HSPA4L: variants seen among roughly 807,000 people sequenced by gnomAD.
The protein encoded by HSPA4L is heat shock protein family A (Hsp70) member 4 like, also known as heat shock 70 kDa protein 4L.
Under a neutral mutation model 100.3 loss-of-function variants are expected in HSPA4L, and 48 were observed. That is an observed-to-expected ratio of 0.48 (90% CI 0.38 to 0.61). HSPA4L has a LOEUF of 0.61. Among genes scored for constraint, HSPA4L ranks in the 20% least tolerant of loss-of-function variants. HSPA4L has a pLI of 0.00. For synonymous variants in HSPA4L, 319 were observed against 328.2 expected, an observed-to-expected ratio of 0.97 and a Z score of 0.30; for missense variants, 886 against 988.6, an observed-to-expected ratio of 0.90 and a Z score of 1.39.
upstream of HSPA4L, chr4:127,782,310 C>T: frequency 2.0e-6 from 1 of 499,168 alleles, no homozygotes; most frequent in Admixed American, 3.6e-5. Flanking sequence ...CGGTTGGAGG[C>T]GGCCGAACCG....
In HSPA4L at chr4:127,836,192, C is replaced by A. The variant is rs1398740631; in HGVS notation, c.*3318C>A. The A allele has an allele frequency of 1.3e-5, 2 of 152,466 alleles. No homozygotes were observed. Among genetic ancestry groups the A allele is most frequent in the Non-Finnish European group, 2.9e-5 (2 of 68,358 alleles). 9.4% of individuals were successfully genotyped at this position (152,466 alleles called of 1,614,324 possible). A position where few individuals can be genotyped will look rare whatever the true frequency, so the allele number is the denominator to read the frequency against. ...ACCATCCTGGCTAACACGGTGAAAC[C>A]CCGTCTCTACTAAAAATACAAAAAA... On this transcript the variant is annotated 3_prime_UTR_variant, in exon 19 of 19. Transcript: ENST00000296464.
rs1416570610 is a variant in HSPA4L at position 127,805,107 on chromosome 4, T to G, written c.1020T>G (p.Ile340Met). Residue 340 changes from isoleucine to methionine, a missense_variant, in exon 9 of 19, where the codon ATT becomes ATG. Transcript: ENST00000296464. ...LQREDISSIE[I>M]VGGATRIPAV... The stretch of plus-strand genomic sequence containing the variant: ...GTGAAGACATTAGTAGTATAGAAAT[T>G]GTAGGAGGAGCAACACGAATTCCTG... The G allele has an allele frequency of 6.2e-7, 1 of 1,611,608 alleles. No individual in the cohort carries two copies. Among genetic ancestry groups the G allele is most frequent in the African/African-American group, 1.3e-5 (1 of 74,816 alleles).
intron 4 of HSPA4L, 36 bp from the exon 5 acceptor site, chr4:127,801,102 A>C (rs1291320653): frequency 6.9e-7 from 1 of 1,459,166 alleles, no homozygotes; most frequent in Middle Eastern, 1.8e-4. Context: ...ATGTTTACAT[A>C]AAACATTATA....
chr4:127,820,622 GA>G, intron 14 of HSPA4L, 57 bp downstream of exon 14: 1 of 1,532,896 alleles, frequency 6.5e-7, no homozygotes, highest in East Asian at 2.3e-5. Context: ...AAATTTTGTA[GA>G]AGTCAATGAT....
chr4:127,796,798 TGCTAAGG>T (rs1733034027), intron 3 of HSPA4L, among the ~76,000 whole-genome samples: 1 of 152,118 alleles, frequency 6.6e-6, no homozygotes, highest in South Asian at 2.1e-4. Context: ...GATTAGTGGT[TGCTAAGG>T]GTTAAGGGGA....
At chr4:127,783,481 G>C in intron 1 of HSPA4L, 1 of 1,451,372 alleles carries the variant, frequency 6.9e-7, no homozygotes, top group Non-Finnish European at 9.0e-7. Context: ...TTAATGAAAG[G>C]CTTAGGAGGA....
chr4:127,796,189 A>G (rs1344607565), intron 3 of HSPA4L, among the ~76,000 whole-genome samples: 9 of 152,150 alleles, frequency 5.9e-5, no homozygotes, highest in Non-Finnish European at 1.5e-5. Flanking sequence ...ATTCAGAAGA[A>G]TAGACCCAAA....
At chr4:127,822,290 T>C (rs1733834285) in intron 14 of HSPA4L, among the ~76,000 whole-genome samples, 1 of 152,210 alleles carries the variant, frequency 6.6e-6, no homozygotes, top group Non-Finnish European at 1.5e-5. Context: ...GTCTGGCTTA[T>C]TTTACTTGGC....
intron 16 of HSPA4L, among the ~76,000 whole-genome samples, chr4:127,825,794 C>T (rs966362583): frequency 6.6e-6 from 1 of 151,852 alleles, no homozygotes; most frequent in Non-Finnish European, 1.5e-5. Context: ...GGCATGGTGG[C>T]ACGCACCTGT....
intron 17 of HSPA4L, among the ~76,000 whole-genome samples, chr4:127,829,728 T>C (rs1295517807): frequency 1.3e-5 from 2 of 151,690 alleles, no homozygotes; most frequent in East Asian, 1.9e-4. Flanking sequence ...AAACTCAAAG[T>C]TGGATATAGA....
In HSPA4L at chr4:127,836,942, A is replaced by AT. The variant is rs564468017; in HGVS notation, c.*4079dup. The AT allele has an allele frequency of 5.5e-4, 82 of 148,360 alleles. No homozygotes were observed. Among genetic ancestry groups the AT allele is most frequent in the Admixed American group, 1.0e-3 (15 of 14,832 alleles). 9.2% of individuals were successfully genotyped at this position (148,360 alleles called of 1,614,324 possible). ...TTCTCAGTTTTTAAAAGTTTACAAA[A>AT]TTTTTTTTTTTGTTTTGAGACAGAG... On this transcript the variant is annotated 3_prime_UTR_variant, in exon 19 of 19. Coordinates refer to ENST00000296464, the MANE Select transcript of HSPA4L (RefSeq NM_014278.4).
intron 18 of HSPA4L, among the ~76,000 whole-genome samples, chr4:127,831,404 G>A (rs1363706555): frequency 6.6e-6 from 1 of 151,574 alleles, no homozygotes; most frequent in African/African-American, 2.4e-5. Flanking sequence ...AGGAGGCTGA[G>A]GCAGGAGGCT....
At chr4:127,822,486 T>C (rs987329126) in intron 14 of HSPA4L, among the ~76,000 whole-genome samples, 1 of 152,212 alleles carries the variant, frequency 6.6e-6, no homozygotes, top group African/African-American at 2.4e-5. Flanking sequence ...TACAAATATC[T>C]GTTCAAGTCT....
intron 1 of HSPA4L, among the ~76,000 whole-genome samples, chr4:127,791,981 A>G (rs1442195512): frequency 1.3e-5 from 2 of 152,232 alleles, no homozygotes; most frequent in Non-Finnish European, 2.9e-5. Context: ...TATAGTAATT[A>G]TTAACAAACA....
At position 127,805,757 on chromosome 4, in the gene HSPA4L, C is replaced by A. The variant is rs1733338107; in HGVS notation, c.1208C>A (p.Thr403Lys). The change falls in exon 10 of 19, where the codon ACA (threonine) becomes AAA (lysine). Residue 403 changes from threonine to lysine, a missense_variant. Physicochemically the swap from Thr to Lys is moderately conservative, Grantham distance 78. Coordinates refer to ENST00000296464, the MANE Select transcript of HSPA4L (RefSeq NM_014278.4). ...ACAGACCTTGTTCCCTATTCAATCA[C>A]ATTAAGGTGGAAGACCTCTTTTGAA... is the stretch of plus-strand genomic sequence containing the variant. ...SITDLVPYSI[T>K]LRWKTSFEDG... The A allele has an allele frequency of 6.2e-7, 1 of 1,611,562 alleles. No individual in the cohort carries two copies. The highest frequency in any genetic ancestry group is 1.3e-5 in the African/African-American group (1 of 74,852).
chr4:127,790,060 C>T (rs1732829648), intron 1 of HSPA4L, among the ~76,000 whole-genome samples: 1 of 152,174 alleles, frequency 6.6e-6, no homozygotes, highest in African/African-American at 2.4e-5. Flanking sequence ...TAAAAGTTGT[C>T]TGCTTTCAAC....
chr4:127,826,575 A>G (rs1016220122), intron 16 of HSPA4L, among the ~76,000 whole-genome samples: 1 of 152,196 alleles, frequency 6.6e-6, no homozygotes, highest in African/African-American at 2.4e-5. Flanking sequence ...AGTTTTGACA[A>G]ATGTACCCTA....
intron 1 of HSPA4L, among the ~76,000 whole-genome samples, chr4:127,793,453 T>A (rs1732931867): frequency 1.3e-5 from 2 of 152,194 alleles, no homozygotes; most frequent in South Asian, 4.1e-4. Flanking sequence ...ACAGAAACAT[T>A]TTCTTGAATC....
chr4:127,790,326 T>C (rs903957996), intron 1 of HSPA4L, among the ~76,000 whole-genome samples: 2 of 152,194 alleles, frequency 1.3e-5, no homozygotes, highest in Admixed American at 6.5e-5. Context: ...GGGAGCAAGA[T>C]GAGTTATAAG....
Sources: allele counts gnomAD v4.1 joint callset (sites outside exome capture counted in the v4.1 genomes callset), GRCh38; gene constraint gnomAD v4.1.1; transcripts MANE v1.5; gene names NCBI Gene and HGNC (gene_info 2026-07-23, HGNC 2026-07-21).